Variants in KCNJ3 observed in about 807,000 individuals in gnomAD.
KCNJ3 encodes G protein-activated inward rectifier potassium channel 1.
A neutral mutation model predicts 39.2 loss-of-function variants in KCNJ3; 4 were observed. The observed-to-expected ratio is 0.10, with a 90% CI of 0.05 to 0.23. The LOEUF is 0.23. KCNJ3 is among the 10% of genes least tolerant of loss of function. The pLI, the probability that KCNJ3 is intolerant of heterozygous loss-of-function variation, is 1.00. For missense variants in KCNJ3, 276 were observed against 634.9 expected (o/e 0.43, Z 6.08); for synonymous variants, 230 against 237.4 (o/e 0.97, Z 0.29).
intron 2 of KCNJ3, among the ~76,000 whole-genome samples, chr2:154,774,716 A>C (rs1686302753): frequency 6.6e-6 from 1 of 152,188 alleles, no homozygotes; most frequent in Non-Finnish European, 1.5e-5. Context: ...AAACAGGGAA[A>C]AGGCAAATGC....
At chr2:154,768,573 T>C (rs1159356764) in intron 2 of KCNJ3, among the ~76,000 whole-genome samples, 2 of 152,206 alleles carry the variant, frequency 1.3e-5, no homozygotes, top group Non-Finnish European at 2.9e-5. Context: ...AGTACCATGC[T>C]GTTTTGGTTA....
chr2:154,828,427 G>C (rs1337820880), intron 2 of KCNJ3, among the ~76,000 whole-genome samples: 3 of 152,300 alleles, frequency 2.0e-5, no homozygotes, highest in Non-Finnish European at 2.9e-5. Context: ...GGAAGGTTGA[G>C]TTAGAAGCAT....
chr2:154,742,730 T>C (rs538325605), intron 2 of KCNJ3, among the ~76,000 whole-genome samples: 1 of 152,016 alleles, frequency 6.6e-6, no homozygotes, highest in South Asian at 2.1e-4. Flanking sequence ...GTTTGTTTTT[T>C]AATAGTTGAG....
intron 2 of KCNJ3, among the ~76,000 whole-genome samples, chr2:154,804,494 G>A (rs939456156): frequency 2.0e-5 from 3 of 152,094 alleles, no homozygotes; most frequent in Admixed American, 2.0e-4. Flanking sequence ...TTGTTGTAAT[G>A]GGAGGAAATA....
At chr2:154,741,597 T>G (rs954179738) in intron 2 of KCNJ3, among the ~76,000 whole-genome samples, 13 of 151,888 alleles carry the variant, frequency 8.6e-5, no homozygotes, top group African/African-American at 3.1e-4. Context: ...TAAAATCATA[T>G]GAAAATCTAA....
At chr2:154,727,708 T>A (rs982550133) in intron 2 of KCNJ3, among the ~76,000 whole-genome samples, 6 of 151,646 alleles carry the variant, frequency 4.0e-5, no homozygotes, top group Non-Finnish European at 8.8e-5. Context: ...GTTAAAAAAA[T>A]TGCTTAGATT....
chr2:154,848,983 T>C (rs1373383120), intron 2 of KCNJ3, among the ~76,000 whole-genome samples: 1 of 152,232 alleles, frequency 6.6e-6, no homozygotes, highest in Non-Finnish European at 1.5e-5. Context: ...GAATATTCAC[T>C]AATTATACTA....
At chr2:154,840,393 T>G (rs1207622704) in intron 2 of KCNJ3, among the ~76,000 whole-genome samples, 1 of 152,206 alleles carries the variant, frequency 6.6e-6, no homozygotes, top group Non-Finnish European at 1.5e-5. Context: ...AGCTTTGTTC[T>G]TTTGGCTTAG....
At chr2:154,753,918 C>T (rs761539575) in intron 2 of KCNJ3, among the ~76,000 whole-genome samples, 12 of 152,122 alleles carry the variant, frequency 7.9e-5, no homozygotes, top group African/African-American at 1.9e-4. Context: ...CACTTAACCT[C>T]GCTTTTAATG....
At chr2:154,777,116 A>AAAATAGCAAATCC in intron 2 of KCNJ3, among the ~76,000 whole-genome samples, 1 of 152,308 alleles carries the variant, frequency 6.6e-6, no homozygotes, top group Non-Finnish European at 1.5e-5. Context: ...CCGATGGATC[A>AAAATAGCAAATCC]AAATAGCAAA....
intron 2 of KCNJ3, among the ~76,000 whole-genome samples, chr2:154,779,886 G>A (rs1686404271): frequency 6.6e-6 from 1 of 151,940 alleles, no homozygotes. Flanking sequence ...TTATGATGAG[G>A]TATTATAATT....
At chr2:154,760,240 G>C (rs1249338237) in intron 2 of KCNJ3, among the ~76,000 whole-genome samples, 2 of 152,128 alleles carry the variant, frequency 1.3e-5, no homozygotes, top group Non-Finnish European at 2.9e-5. Flanking sequence ...TCCTAGTAAA[G>C]TTTAACCTTT....
rs114561436 is a variant in KCNJ3, at chr2:154,817,119, C to G, written c.920-37608C>G. ...GCATTAATTGCATTCAAGATACAAT[C>G]CTTTTCTTCCCCCTGATAATAAGAA... On this transcript the variant is annotated intron_variant, in intron 2 of 2. Transcript: ENST00000295101. Among the ~76,000 whole-genome samples, 1,412 of 152,204 alleles carry G rather than the reference C, an allele frequency of 9.3e-3. 59 individuals carry two copies. Among genetic ancestry groups the G allele is most frequent in the Admixed American group, 0.066 (1,013 of 15,270 alleles).
Position 154,698,942 on chromosome 2 carries a change from A to G in KCNJ3, c.167A>G (p.Gln56Arg). The G allele has an allele frequency of 6.2e-7, 1 of 1,614,176 alleles. No homozygotes were observed. Among genetic ancestry groups the G allele is most frequent in the Non-Finnish European group, 8.5e-7 (1 of 1,180,030 alleles). Residue 56 changes from glutamine to arginine, a missense_variant, in exon 1 of 3, where the codon CAG (glutamine) becomes CGG (arginine). Physicochemically the swap from Gln to Arg is conservative, Grantham distance 43. Coordinates refer to ENST00000295101, the MANE Select transcript of KCNJ3 (RefSeq NM_002239.4). ...GACAAGAACGGCCGGTGCAATGTAC[A>G]GCACGGCAACCTGGGCAGCGAGACA... Reference protein sequence around the residue: ...FVDKNGRCNVQHGNLGSETSR... With the variant: ...FVDKNGRCNVRHGNLGSETSR...
intron 2 of KCNJ3, among the ~76,000 whole-genome samples, chr2:154,778,122 A>T (rs900084979): frequency 7.2e-5 from 11 of 152,196 alleles, no homozygotes; most frequent in African/African-American, 2.7e-4. Context: ...CTAAATCTTT[A>T]TTGAAGAGTC....
chr2:154,793,650 A>C (rs1686674006), intron 2 of KCNJ3, among the ~76,000 whole-genome samples: 1 of 152,008 alleles, frequency 6.6e-6, no homozygotes, highest in Non-Finnish European at 1.5e-5. Flanking sequence ...AACACTTCTA[A>C]AATTTTAGTT....
chr2:154,822,086 T>G lies in KCNJ3; in HGVS notation c.920-32641T>G, dbSNP rs1297340540. Among the ~76,000 whole-genome samples the G allele has an allele frequency of 2.6e-5, 4 of 152,168 alleles. No individual in the cohort carries two copies. In the East Asian group the frequency reaches 7.7e-4, roughly 29 times the overall value. Reference sequence around the variant, plus strand: ...CTATACAGTATTACACTTGCCAAACTTAATGATGATGTTCTCCACGAAAAC... The same window carrying G: ...CTATACAGTATTACACTTGCCAAACGTAATGATGATGTTCTCCACGAAAAC... On this transcript the variant is annotated intron_variant, in intron 2 of 2. Transcript: ENST00000295101.
At chr2:154,784,726 C>T (rs374207750) in intron 2 of KCNJ3, among the ~76,000 whole-genome samples, 3 of 152,214 alleles carry the variant, frequency 2.0e-5, no homozygotes, top group East Asian at 1.9e-4. Flanking sequence ...TTTGGTAACC[C>T]TTTAACATAT....
At chr2:154,754,166 C>A (rs1685898176) in intron 2 of KCNJ3, among the ~76,000 whole-genome samples, 1 of 152,206 alleles carries the variant, frequency 6.6e-6, no homozygotes, top group Admixed American at 6.6e-5. Context: ...TACTATTTCT[C>A]AATCTATTGA....
Sources: gnomAD v4.1 joint callset for allele counts (sites outside exome capture counted in the v4.1 genomes callset) on GRCh38, gnomAD v4.1.1 for gene constraint, MANE v1.5 for transcripts, NCBI Gene and HGNC (gene_info 2026-07-23, HGNC 2026-07-21) for gene names.